Variants in ITIH2 observed in about 807,000 individuals in gnomAD.
ITIH2 encodes the protein inter-alpha-trypsin inhibitor heavy chain 2.
ITIH2 carries 103 observed loss-of-function variants against 104.4 expected under a neutral mutation model. That is an observed-to-expected ratio of 0.99 (90% CI 0.84 to 1.16). The LOEUF (loss-of-function observed/expected upper bound fraction) is 1.16. Among genes scored for constraint, ITIH2 ranks in the 50% most tolerant of loss-of-function variants. The probability of loss-of-function intolerance (pLI) is 0.00; values close to 1 mark genes in which losing one functional copy is unlikely to be tolerated. For synonymous variants in ITIH2, 436 were observed against 435.4 expected (o/e 1.00, Z -0.02); for missense variants, 1,108 against 1,162.4 (o/e 0.95, Z 0.68).
chr10:7,741,077 G>A (rs577837179), intron 16 of ITIH2, among the ~76,000 whole-genome samples: 22 of 151,530 alleles, frequency 1.5e-4, no homozygotes, highest in African/African-American at 4.1e-4. Flanking sequence ...AAAACCAATC[G>A]TTGTCTTTAA....
chr10:7,733,550 C>T (rs752959866), intron 14 of ITIH2, among the ~76,000 whole-genome samples: 20 of 151,820 alleles, frequency 1.3e-4, no homozygotes, highest in Non-Finnish European at 2.4e-4. Flanking sequence ...CTCTTGAAAA[C>T]GGCTTCTTGT....
chr10:7,730,200 A>G (rs1410403441), intron 12 of ITIH2, 67 bp downstream of exon 12: 1 of 1,191,792 alleles, frequency 8.4e-7, no homozygotes, highest in African/African-American at 1.5e-5. Flanking sequence ...TATCTGATGC[A>G]GGTATGATGC....
chr10:7,723,025 T>C (rs1472435848), intron 8 of ITIH2, among the ~76,000 whole-genome samples: 1 of 141,928 alleles, frequency 7.0e-6, no homozygotes, highest in Non-Finnish European at 1.5e-5. Context: ...TGGAGTGGCG[T>C]GCAGTGGAGT....
At chr10:7,705,034 A>T (rs1474818825) in intron 1 of ITIH2, 74 bp from the exon 2 acceptor site, 1 of 930,750 alleles carries the variant, frequency 1.1e-6, no homozygotes, top group Non-Finnish European at 1.7e-6. Flanking sequence ...ACAAATCTGC[A>T]CGTTGTGCAC....
chr10:7,746,745 G>T (rs1385634086), intron 20 of ITIH2, 41 bp downstream of exon 20: 1 of 1,259,832 alleles, frequency 7.9e-7, no homozygotes. Flanking sequence ...AAGGCCTTGT[G>T]TTAGAATTAG....
chr10:7,745,066 CAT>C, intron 19 of ITIH2, 103 bp downstream of exon 19: 1 of 1,004,142 alleles, frequency 1.0e-6, no homozygotes, highest in Admixed American at 2.0e-5. Flanking sequence ...GGTGTGGACT[CAT>C]GAGCACAGAG....
chr10:7,740,679 A>G (rs1835115569), intron 16 of ITIH2, among the ~76,000 whole-genome samples: 3 of 152,160 alleles, frequency 2.0e-5, no homozygotes, highest in Non-Finnish European at 4.4e-5. Context: ...AAGGATGAGG[A>G]CTTCAAAGTT....
rs776115258 is a variant in ITIH2 at position 7,735,052 on chromosome 10, C to T, written c.1918C>T (p.Leu640=). The T allele has an allele frequency of 1.2e-6, 2 of 1,612,152 alleles. No homozygotes were observed. Among genetic ancestry groups the T allele is most frequent in the Admixed American group, 1.7e-5 (1 of 60,002 alleles). ...GAACGAGGCTGGGGATGAGCGCATG[C>T]TGGCGGATGCCCCACCGCAGGATCC... ...IENEAGDERM[L]ADAPPQDPSC... is the part of the protein sequence containing the mutation. The change falls in exon 15 of 21, where the codon CTG becomes TTG. Residue 640 remains leucine, a synonymous_variant. Coordinates refer to ENST00000358415, the MANE Select transcript of ITIH2 (RefSeq NM_002216.3).
In ITIH2 at chr10:7,731,941, G is replaced by A. The variant is rs868253430; in HGVS notation, c.1592G>A (p.Gly531Glu). 1.2e-6 allele frequency: 2 copies of A among 1,614,060 alleles called. No individual in the cohort carries two copies. The highest frequency in any genetic ancestry group is 1.1e-5 in the South Asian group (1 of 91,066). The change falls in exon 13 of 21, where the codon GGA becomes GAA. Residue 531 changes from glycine to glutamate, a missense_variant. Gly to Glu is a moderately conservative substitution (Grantham distance 98). Transcript: ENST00000358415. ...YFGGSEIVVA[G>E]KFDPAKLDQI... ...GGAGGCTCAGAGATTGTGGTGGCAGGAAAATTTGACCCTGCTAAATTGGAT... is the reference window on the plus strand; with the variant it reads ...GGAGGCTCAGAGATTGTGGTGGCAGAAAAATTTGACCCTGCTAAATTGGAT...
chr10:7,737,210 G>C (rs1054517119), intron 15 of ITIH2, among the ~76,000 whole-genome samples: 1 of 151,188 alleles, frequency 6.6e-6, no homozygotes. Context: ...TGTCTAAACT[G>C]AGACTCTAGA....
intron 10 of ITIH2, 113 bp from the exon 11 acceptor site, chr10:7,727,590 A>C: frequency 8.0e-7 from 1 of 1,256,980 alleles, no homozygotes; most frequent in East Asian, 2.3e-5. Flanking sequence ...TGATTTTGGC[A>C]TGGAATAAGT....
At chr10:7,743,283 TG>T in intron 17 of ITIH2, 24 bp downstream of exon 17, 1 of 1,233,162 alleles carries the variant, frequency 8.1e-7, no homozygotes, top group Non-Finnish European at 1.2e-6. Flanking sequence ...AAATTATATT[TG>T]CACCAATTAG....
In ITIH2 at chr10:7,720,915, T is replaced by C. The variant is rs772161297; in HGVS notation, c.690T>C (p.Phe230=). The C allele has an allele frequency of 6.2e-7, 1 of 1,613,964 alleles. No homozygotes were observed. Residue 230 remains phenylalanine, a synonymous_variant, in exon 7 of 21, where the codon TTT becomes TTC. Coordinates refer to ENST00000358415, the MANE Select transcript of ITIH2 (RefSeq NM_002216.3). ...GATTTCTTCATGTTCCCGACACATTTGAAGGCCATTTCGATGGTGTTCCGG... is the reference window on the plus strand; with the variant it reads ...GATTTCTTCATGTTCCCGACACATTCGAAGGCCATTTCGATGGTGTTCCGG... The part of the protein sequence containing the change: ...GLRFLHVPDT[F]EGHFDGVPVI...
At chr10:7,743,361 A>G in intron 17 of ITIH2, 102 bp downstream of exon 17, 1 of 664,708 alleles carries the variant, frequency 1.5e-6, no homozygotes, top group Non-Finnish European at 2.7e-6. Flanking sequence ...GAAGTTCTAT[A>G]TATTTCAGTG....
In ITIH2 at chr10:7,731,845, G is replaced by A. The variant is rs751096539; in HGVS notation, c.1496G>A (p.Arg499Gln). The change falls in exon 13 of 21, where the codon CGG becomes CAG. Residue 499 changes from arginine to glutamine, a missense_variant. Physicochemically the swap from Arg to Gln is conservative, Grantham distance 43. Transcript: ENST00000358415. ...AACCAGGTCTCCACTCCATTGCTCC[G>A]GAATGTTCAGTTCAACTATCCCCAT... ...FYNQVSTPLL[R>Q]NVQFNYPHTS... The A allele has an allele frequency of 1.7e-5, 27 of 1,612,744 alleles. No homozygotes were observed. Among genetic ancestry groups the A allele is most frequent in the Middle Eastern group, 3.3e-4 (2 of 6,080 alleles).
chr10:7,740,988 G>C (rs1295932722), intron 16 of ITIH2, among the ~76,000 whole-genome samples: 1 of 152,156 alleles, frequency 6.6e-6, no homozygotes, highest in Admixed American at 6.5e-5. Context: ...CTTGAATTAT[G>C]TCAACTCAAT....
chr10:7,720,985 G>A, intron 7 of ITIH2, 22 bp downstream of exon 7: 3 of 1,444,714 alleles, frequency 2.1e-6, no homozygotes, highest in East Asian at 2.3e-5. Context: ...CCTGTGTGTT[G>A]CCAGGCATTC....
chr10:7,719,912 T>A (rs560595916), intron 6 of ITIH2, among the ~76,000 whole-genome samples: 1 of 143,988 alleles, frequency 6.9e-6, no homozygotes, highest in Admixed American at 7.1e-5. Flanking sequence ...ATGATAGACA[T>A]TGGAGACTCG....
intron 9 of ITIH2, among the ~76,000 whole-genome samples, chr10:7,724,570 CAAAAAAA>C (rs374923183): frequency 1.9e-5 from 1 of 51,842 alleles, no homozygotes; most frequent in African/African-American, 8.0e-5. Context: ...AACTCCATCT[CAAAAAAA>C]AAAAAAAAAA....
Sources: allele counts gnomAD v4.1 joint callset (sites outside exome capture counted in the v4.1 genomes callset), GRCh38; gene constraint gnomAD v4.1.1; transcripts MANE v1.5; gene names NCBI Gene and HGNC (gene_info 2026-07-23, HGNC 2026-07-21).